The following CAST variants were observed in gnomAD, a reference collection of about 807,000 sequenced individuals.
The protein encoded by CAST is calpastatin.
In CAST, 76 loss-of-function variants were observed where a neutral mutation model predicts 119.6. That is an observed-to-expected ratio of 0.64 (90% confidence interval 0.53 to 0.77). The LOEUF (loss-of-function observed/expected upper bound fraction) is 0.77, where lower values mean the gene tolerates loss of function less well. Among genes scored for constraint, CAST ranks in the 30% least tolerant of loss-of-function variants. The probability of loss-of-function intolerance (pLI) is 0.00; values close to 1 mark genes in which losing one functional copy is unlikely to be tolerated. For missense variants in CAST, 953 were observed against 946.5 expected (o/e 1.01, Z -0.09); for synonymous variants, 319 against 331.6 (o/e 0.96, Z 0.41).
chr5:95,974,071 T>C, the CAST span, among the ~76,000 whole-genome samples: 1 of 151,940 alleles, frequency 6.6e-6, no homozygotes, highest in African/African-American at 2.4e-5. Flanking sequence ...CTACTGACCC[T>C]ATCATCTGCA....
the CAST span, among the ~76,000 whole-genome samples, chr5:96,174,106 CTT>C: frequency 6.6e-6 from 1 of 152,078 alleles, no homozygotes; most frequent in Non-Finnish European, 1.5e-5. Flanking sequence ...AGAGTTTTCA[CTT>C]TTAATTTCAT....
the CAST span, among the ~76,000 whole-genome samples, chr5:96,501,847 T>A: frequency 6.6e-6 from 1 of 152,252 alleles, no homozygotes; most frequent in East Asian, 1.9e-4. Flanking sequence ...TATTGCCTAG[T>A]GAATTGTTAC....
the CAST span, among the ~76,000 whole-genome samples, chr5:96,388,666 A>T: frequency 1.3e-5 from 2 of 152,220 alleles, no homozygotes. Flanking sequence ...ATTACAAGGC[A>T]GTTGGAAGGC....
intron 1 of CAST, among the ~76,000 whole-genome samples, chr5:96,615,937 A>C (rs1230838048): frequency 6.6e-6 from 1 of 152,162 alleles, no homozygotes; most frequent in African/African-American, 2.4e-5. Context: ...GAGTCCCAAA[A>C]CTGAAGAACT....
the CAST span, among the ~76,000 whole-genome samples, chr5:96,041,006 A>G: frequency 6.6e-6 from 1 of 152,022 alleles, no homozygotes; most frequent in Non-Finnish European, 1.5e-5. Flanking sequence ...GGTCCTGGAC[A>G]TTTTTGGTTG....
At chr5:96,147,557 C>T in the CAST span, among the ~76,000 whole-genome samples, 18 of 151,994 alleles carry the variant, frequency 1.2e-4, no homozygotes, top group African/African-American at 4.4e-4. Flanking sequence ...GAGCCGAGAT[C>T]GCACCACTGC....
intron 1 of CAST, among the ~76,000 whole-genome samples, chr5:96,555,660 C>T (rs928508625): frequency 5.3e-5 from 8 of 152,150 alleles, no homozygotes; most frequent in Non-Finnish European, 7.4e-5. Context: ...AACTGCAAGG[C>T]GGCAGCGAGG....
intron 1 of CAST, among the ~76,000 whole-genome samples, chr5:96,583,449 T>C (rs1746800955): frequency 6.6e-6 from 1 of 152,170 alleles, no homozygotes; most frequent in Admixed American, 6.5e-5. Context: ...GCACATATGT[T>C]CAAATTCTAG....
At chr5:96,342,447 A>C in the CAST span, among the ~76,000 whole-genome samples, 1 of 152,110 alleles carries the variant, frequency 6.6e-6, no homozygotes, top group Non-Finnish European at 1.5e-5. Context: ...TTACATTTTG[A>C]ACAAGTGCTC....
At chr5:96,006,209 G>T in the CAST span, among the ~76,000 whole-genome samples, 1 of 152,128 alleles carries the variant, frequency 6.6e-6, no homozygotes, top group Non-Finnish European at 1.5e-5. Context: ...GGACTAGTTG[G>T]AGATGGGGTG....
chr5:96,547,132 AC>A (rs1746034195), intron 1 of CAST, among the ~76,000 whole-genome samples: 1 of 151,570 alleles, frequency 6.6e-6, no homozygotes, highest in Non-Finnish European at 1.5e-5. Flanking sequence ...TTGGGATAGC[AC>A]CTGTGTATTC....
At chr5:95,979,677 G>A in the CAST span, among the ~76,000 whole-genome samples, 7 of 152,158 alleles carry the variant, frequency 4.6e-5, no homozygotes, top group African/African-American at 1.7e-4. Flanking sequence ...AGTACTTATT[G>A]TATGGATTAA....
At chr5:96,110,740 TGGA>T in the CAST span, among the ~76,000 whole-genome samples, 2 of 152,154 alleles carry the variant, frequency 1.3e-5, no homozygotes, top group African/African-American at 4.8e-5. Context: ...GTTACAAACT[TGGA>T]GATGTCTAAT....
chr5:96,151,414 T>C, the CAST span, among the ~76,000 whole-genome samples: 1 of 152,170 alleles, frequency 6.6e-6, no homozygotes, highest in Non-Finnish European at 1.5e-5. Flanking sequence ...GGCATGAGGA[T>C]CACTTGAGTC....
chr5:96,695,837 A>T lies in CAST; in HGVS notation c.140A>T (p.Lys47Ile). The T allele has an allele frequency of 6.2e-7, 1 of 1,610,608 alleles. No homozygotes were observed. The highest frequency in any genetic ancestry group is 8.5e-7 in the Non-Finnish European group (1 of 1,177,276). Residue 47 changes from lysine (K) to isoleucine (I), a missense_variant and splice_region_variant, in exon 3 of 32, where the codon AAA becomes ATA. Coordinates refer to ENST00000675179, the MANE Select transcript of CAST (RefSeq NM_001750.7). ...AAACTAATATTTTCTATTTTCAAGA[A>T]AAAAGCAGCAAGCCTCGGCAGCAGT... ...KPGEKKGSDEKKAASLGSSQS... is the reference protein window; with the variant it reads ...KPGEKKGSDEIKAASLGSSQS...
intron 3 of CAST, 82 bp from the exon 4 acceptor site, chr5:96,722,557 G>A: frequency 1.9e-6 from 2 of 1,056,216 alleles, no homozygotes; most frequent in South Asian, 2.6e-5. Context: ...GCCAAGGGCA[G>A]TATGGTTAAG....
the CAST span, among the ~76,000 whole-genome samples, chr5:96,324,829 T>C: frequency 6.6e-6 from 1 of 152,184 alleles, no homozygotes; most frequent in Non-Finnish European, 1.5e-5. Flanking sequence ...ACTTAAGTTT[T>C]ATGAAGTGAC....
At chr5:96,603,940 G>C (rs539831139) in intron 1 of CAST, among the ~76,000 whole-genome samples, 1 of 151,530 alleles carries the variant, frequency 6.6e-6, no homozygotes, top group Non-Finnish European at 1.5e-5. Flanking sequence ...ATTTTATTTA[G>C]TTTTTGTAGA....
At chr5:96,637,508 G>A (rs1747901882) in intron 1 of CAST, among the ~76,000 whole-genome samples, 1 of 152,154 alleles carries the variant, frequency 6.6e-6, no homozygotes, top group African/African-American at 2.4e-5. Context: ...TTCCTATGGT[G>A]AACTGTTGTA....
Sources: gnomAD v4.1 joint callset for allele counts (sites outside exome capture counted in the v4.1 genomes callset) on GRCh38, gnomAD v4.1.1 for gene constraint, MANE v1.5 for transcripts, NCBI Gene and HGNC (gene_info 2026-07-23, HGNC 2026-07-21) for gene names.